ANKFN1: variants seen among roughly 807,000 people sequenced by gnomAD.
ANKFN1 encodes the protein ankyrin repeat and fibronectin type-III domain-containing protein 1.
ANKFN1 carries 74 observed loss-of-function variants against 108.7 expected under a neutral mutation model. That is an observed-to-expected ratio of 0.68 (90% CI 0.56 to 0.83). ANKFN1 has a LOEUF of 0.83. ANKFN1 is among the 40% of genes least tolerant of loss of function. The pLI, the probability that ANKFN1 is intolerant of heterozygous loss-of-function variation, is 0.00. For synonymous variants in ANKFN1, 547 were observed against 516.2 expected, an observed-to-expected ratio of 1.06 and a Z score of -0.81; for missense variants, 1,505 against 1,382.3, an observed-to-expected ratio of 1.09 and a Z score of -1.41.
intron 18 of ANKFN1, among the ~76,000 whole-genome samples, chr17:56,488,170 G>T (rs1248381310): frequency 6.6e-6 from 1 of 152,260 alleles, no homozygotes; most frequent in East Asian, 1.9e-4. Flanking sequence ...AATAAATCAG[G>T]CTGACACTGG....
chr17:56,095,567 G>T (rs530455235), intron 4 of ANKFN1, among the ~76,000 whole-genome samples: 2 of 141,490 alleles, frequency 1.4e-5, no homozygotes, highest in African/African-American at 5.1e-5. Flanking sequence ...CTCCCAAAGT[G>T]CTGGGACTAC....
chr17:56,121,298 G>T (rs374504978), intron 4 of ANKFN1, among the ~76,000 whole-genome samples: 1 of 151,550 alleles, frequency 6.6e-6, no homozygotes, highest in Non-Finnish European at 1.5e-5. Context: ...CTTCCTCAAG[G>T]CTCTCTTCAG....
chr17:56,354,438 CAATA>C (rs1033331553), intron 6 of ANKFN1, among the ~76,000 whole-genome samples: 9 of 151,850 alleles, frequency 5.9e-5, no homozygotes, highest in African/African-American at 2.2e-4. Flanking sequence ...TTCATTCATT[CAATA>C]AACACTGAGT....
intron 4 of ANKFN1, among the ~76,000 whole-genome samples, chr17:56,047,428 G>A (rs1199727020): frequency 6.6e-6 from 1 of 152,190 alleles, no homozygotes; most frequent in Non-Finnish European, 1.5e-5. Flanking sequence ...GCAGCTGTGT[G>A]TAATGAGGGT....
chr17:56,151,831 C>T (rs761839535), upstream of ANKFN1, among the ~76,000 whole-genome samples: 1 of 152,126 alleles, frequency 6.6e-6, no homozygotes, highest in African/African-American at 2.4e-5. Flanking sequence ...CTTTTTGAAG[C>T]GGGCAGATAC....
chr17:56,185,165 G>T (rs1034490095), intron 1 of ANKFN1, among the ~76,000 whole-genome samples: 8 of 151,986 alleles, frequency 5.3e-5, no homozygotes, highest in African/African-American at 1.7e-4. Flanking sequence ...TCATCCCAGG[G>T]TGTTATATGG....
At chr17:56,072,404 C>CAAAACAGT (rs1905131052) in intron 4 of ANKFN1, among the ~76,000 whole-genome samples, 1 of 151,938 alleles carries the variant, frequency 6.6e-6, no homozygotes, top group Non-Finnish European at 1.5e-5. Flanking sequence ...GTGTAATCAA[C>CAAAACAGT]ACTAGATCAA....
Position 56,050,360 on chromosome 17 carries a change from G to C in ANKFN1, c.288+4035G>C, listed in dbSNP as rs1212735765. 6.2e-5 allele frequency among the ~76,000 whole-genome samples: 9 copies of C among 145,928 alleles called. 1 individual carries two copies. Among genetic ancestry groups the C allele is most frequent in the Admixed American group, 6.2e-4 (9 of 14,608 alleles). On this transcript the variant is annotated intron_variant, in intron 4 of 12. Transcript: ENST00000635860. Reference sequence around the variant, plus strand: ...TGTAGGTTGCCTGTTCACTCTGATGGTAGTTTCTTTTGCTGTGCAGAAGCT... The same window carrying C: ...TGTAGGTTGCCTGTTCACTCTGATGCTAGTTTCTTTTGCTGTGCAGAAGCT...
At chr17:56,310,571 C>G (rs1598389864) in intron 3 of ANKFN1, among the ~76,000 whole-genome samples, 1 of 150,088 alleles carries the variant, frequency 6.7e-6, no homozygotes, top group Non-Finnish European at 1.5e-5. Flanking sequence ...GAGCCGAGAT[C>G]GAGCCACTGC....
At chr17:56,353,720 T>C (rs1433571787) in intron 5 of ANKFN1, 116 bp from the exon 6 acceptor site, 4 of 829,434 alleles carry the variant, frequency 4.8e-6, no homozygotes, top group Non-Finnish European at 7.8e-6. Context: ...ATTGTAGTTA[T>C]TCCACTTATA....
In ANKFN1 at chr17:56,511,232, C is replaced by A. The variant is rs1376755676; in HGVS notation, c.3404C>A (p.Ala1135Asp). The change falls in exon 21 of 21, where the codon GCC (alanine) becomes GAC (aspartate). Residue 1135 changes from alanine to aspartate, a missense_variant. Ala to Asp is a moderately radical substitution (Grantham distance 126). Transcript: ENST00000682825. ...GPDVSQEGPT[A>D]SPMSEILSSM... Reference sequence around the variant, plus strand: ...GATGTGAGTCAGGAGGGCCCCACCGCCTCTCCCATGTCAGAAATACTCAGC... The same window carrying A: ...GATGTGAGTCAGGAGGGCCCCACCGACTCTCCCATGTCAGAAATACTCAGC... 1 of 1,532,944 alleles carries A rather than the reference C, an allele frequency of 6.5e-7. No homozygotes were observed. Among genetic ancestry groups the A allele is most frequent in the African/African-American group, 1.4e-5 (1 of 73,012 alleles). The allele number at this position is 1,532,944 out of a possible 1,614,324, so 95.0% of individuals were successfully genotyped here.
At chr17:56,468,135 G>T (rs1337165306) in intron 15 of ANKFN1, among the ~76,000 whole-genome samples, 2 of 152,194 alleles carry the variant, frequency 1.3e-5, no homozygotes, top group African/African-American at 4.8e-5. Context: ...CTTCAGTTCA[G>T]ATCTTCTGAT....
chr17:56,105,729 G>GTGTGTGTA (rs993561459), intron 4 of ANKFN1, among the ~76,000 whole-genome samples: 1 of 151,504 alleles, frequency 6.6e-6, no homozygotes, highest in African/African-American at 2.4e-5. Context: ...GTGTGTGTGT[G>GTGTGTGTA]TGTGTGTGTG....
At position 56,492,328 on chromosome 17, in the gene ANKFN1, A is replaced by G; in HGVS notation, c.2402A>G (p.His801Arg). 5.7e-6 allele frequency: 4 copies of G among 702,408 alleles called. No homozygotes were observed. Among genetic ancestry groups the G allele is most frequent in the Non-Finnish European group, 1.0e-5 (4 of 384,588 alleles). The allele number at this position is 702,408 out of a possible 1,614,324, so 43.5% of individuals were successfully genotyped here. The change falls in exon 19 of 21, where the codon CAC becomes CGC. Residue 801 changes from histidine (H) to arginine (R), a missense_variant. Coordinates refer to ENST00000682825, the MANE Select transcript of ANKFN1 (RefSeq NM_001370326.1). ...GAGGTTGCAGCTGCCAAACAAAGAC[A>G]CCAGCAAGTTTTAGATTTCATTCAG... is the stretch of plus-strand genomic sequence containing the variant. Reference protein sequence around the residue: ...DSEVAAAKQRHQQVLDFIQQI... With the variant: ...DSEVAAAKQRRQQVLDFIQQI...
At chr17:56,052,256 G>C (rs1371300552) in intron 4 of ANKFN1, among the ~76,000 whole-genome samples, 1 of 152,122 alleles carries the variant, frequency 6.6e-6, no homozygotes, top group Non-Finnish European at 1.5e-5. Flanking sequence ...AAGCTTTACT[G>C]ACTTTTTCAG....
chr17:56,372,914 A>T, intron 7 of ANKFN1, 74 bp downstream of exon 7: 1 of 1,489,362 alleles, frequency 6.7e-7, no homozygotes, highest in Non-Finnish European at 9.0e-7. Context: ...CTTCTTTTAC[A>T]GATTTTTTTT....
chr17:56,385,610 A>C (rs566705517), intron 8 of ANKFN1, among the ~76,000 whole-genome samples: 5 of 152,352 alleles, frequency 3.3e-5, no homozygotes, highest in East Asian at 1.9e-4. Flanking sequence ...CAATGAACTC[A>C]AACAAATTTA....
In ANKFN1 at chr17:56,337,512, G is replaced by A. The variant is rs191378849; in HGVS notation, c.188+11157G>A. 4.6e-5 allele frequency among the ~76,000 whole-genome samples: 7 copies of A among 152,130 alleles called. No individual in the cohort carries two copies. In the East Asian group the frequency reaches 7.7e-4, roughly 17 times the overall value. ...CTTCTGCACGGCAAAAGAAACTACC[G>A]TCAGAGTCAACAGGCAACTTACAGA... On this transcript the variant is annotated intron_variant, in intron 4 of 20. Coordinates refer to ENST00000682825, the MANE Select transcript of ANKFN1 (RefSeq NM_001370326.1).
intron 8 of ANKFN1, among the ~76,000 whole-genome samples, chr17:56,391,126 C>T (rs1598512029): frequency 2.0e-5 from 3 of 150,330 alleles, no homozygotes; most frequent in Admixed American, 2.0e-4. Context: ...CAGGAATTCT[C>T]AAACCAAGCT....
Sources: gnomAD v4.1 joint callset for allele counts (sites outside exome capture counted in the v4.1 genomes callset) on GRCh38, gnomAD v4.1.1 for gene constraint, MANE v1.5 for transcripts, NCBI Gene and HGNC (gene_info 2026-07-23, HGNC 2026-07-21) for gene names.